The following ESR1 variants were observed in gnomAD, a reference collection of about 807,000 sequenced individuals.
The protein encoded by ESR1 is estrogen receptor.
ESR1 carries 12 observed loss-of-function variants against 52.7 expected under a neutral mutation model. That is an observed-to-expected ratio of 0.23 (90% CI 0.15 to 0.37). The LOEUF (loss-of-function observed/expected upper bound fraction) is 0.37, where lower values mean the gene tolerates loss of function less well. Ranked by LOEUF, ESR1 falls within the 10% of genes least tolerant of loss-of-function variation. The pLI is 1.00. For missense variants in ESR1, 584 were observed against 779.7 expected (o/e 0.75, Z 2.99); for synonymous variants, 305 against 316.8 (o/e 0.96, Z 0.39).
At chr6:151,975,012 A>G (rs2128648492) in intron 4 of ESR1, among the ~76,000 whole-genome samples, 1 of 152,288 alleles carries the variant, frequency 6.6e-6, no homozygotes, top group Non-Finnish European at 1.5e-5. Flanking sequence ...GACTTTTCCT[A>G]GATTACTCAG....
chr6:151,913,300 T>C (rs892464521), intron 3 of ESR1, among the ~76,000 whole-genome samples: 19 of 152,156 alleles, frequency 1.2e-4, no homozygotes, highest in African/African-American at 4.1e-4. Context: ...GACACTTGTA[T>C]TGGGTTCCTC....
chr6:152,030,076 C>T (rs990625897), intron 5 of ESR1, among the ~76,000 whole-genome samples: 1 of 152,172 alleles, frequency 6.6e-6, no homozygotes, highest in African/African-American at 2.4e-5. Context: ...AAATACTTTA[C>T]AGACAAGCAA....
intron 3 of ESR1, among the ~76,000 whole-genome samples, chr6:151,938,777 C>T (rs1366428616): frequency 6.6e-6 from 1 of 152,082 alleles, no homozygotes; most frequent in African/African-American, 2.4e-5. Context: ...TTATACTGAG[C>T]CTTTCTAAAT....
chr6:152,086,821 G>C (rs1166491698), intron 6 of ESR1, among the ~76,000 whole-genome samples: 1 of 152,010 alleles, frequency 6.6e-6, no homozygotes, highest in South Asian at 2.1e-4. Flanking sequence ...GGACTTTGAT[G>C]AGTGTATGGT....
At chr6:151,977,579 G>C (rs1347814098) in intron 4 of ESR1, among the ~76,000 whole-genome samples, 1 of 152,014 alleles carries the variant, frequency 6.6e-6, no homozygotes, top group Non-Finnish European at 1.5e-5. Context: ...TGGATCGCTT[G>C]AGGTCAGGAG....
rs576287969 is a variant in ESR1 at position 151,895,159 on chromosome 6, T to C, written c.760+14388T>C. 1.3e-4 allele frequency among the ~76,000 whole-genome samples: 19 copies of C among 149,498 alleles called. No homozygotes were observed. The South Asian group carries it at 4.0e-3, about 31-fold the overall frequency. ...TTTTTTTTTTTTTTTGCAACTATTGTGAAAAGGAGTGAGTTCTTGATTTGA... is the reference window on the plus strand; with the variant it reads ...TTTTTTTTTTTTTTTGCAACTATTGCGAAAAGGAGTGAGTTCTTGATTTGA... On this transcript the variant is annotated intron_variant, in intron 3 of 7. Transcript: ENST00000206249.
intron 5 of ESR1, among the ~76,000 whole-genome samples, chr6:152,031,009 G>A (rs2044649364): frequency 6.6e-6 from 1 of 152,130 alleles, no homozygotes; most frequent in Admixed American, 6.5e-5. Flanking sequence ...CAACTACATG[G>A]AAACTGAACA....
At chr6:151,912,993 G>A (rs1007370242) in intron 3 of ESR1, among the ~76,000 whole-genome samples, 40 of 151,786 alleles carry the variant, frequency 2.6e-4, no homozygotes, top group Non-Finnish European at 1.2e-4. Context: ...CCTAGATGAC[G>A]GGTTGATAGG....
At chr6:151,957,529 G>GTTTTC (rs1447545821) in intron 4 of ESR1, among the ~76,000 whole-genome samples, 10 of 151,684 alleles carry the variant, frequency 6.6e-5, no homozygotes, top group African/African-American at 2.4e-4. Context: ...AAATTTGATT[G>GTTTTC]TTTTGTTTTT....
At chr6:152,085,597 G>T (rs1476563889) in intron 6 of ESR1, among the ~76,000 whole-genome samples, 1 of 152,110 alleles carries the variant, frequency 6.6e-6, no homozygotes, top group Non-Finnish European at 1.5e-5. Context: ...TGTTGGCTGG[G>T]ACGTCAGCTG....
At chr6:151,666,652 T>C (rs1453599902) in intron 1 of ESR1, among the ~76,000 whole-genome samples, 3 of 151,632 alleles carry the variant, frequency 2.0e-5, no homozygotes, top group African/African-American at 7.3e-5. Context: ...AGACCTCTAC[T>C]TGGCTGGGTT....
At chr6:151,674,476 G>A (rs1778185790) in intron 1 of ESR1, among the ~76,000 whole-genome samples, 1 of 152,136 alleles carries the variant, frequency 6.6e-6, no homozygotes, top group Non-Finnish European at 1.5e-5. Flanking sequence ...GTTGTAAATA[G>A]TGCTGCAATA....
chr6:152,078,121 C>A (rs1348814051), intron 6 of ESR1, among the ~76,000 whole-genome samples: 1 of 152,128 alleles, frequency 6.6e-6, no homozygotes, highest in Non-Finnish European at 1.5e-5. Flanking sequence ...TGGTGGGAAA[C>A]AATTTGAATC....
intron 6 of ESR1, among the ~76,000 whole-genome samples, chr6:152,083,153 C>A (rs2129012596): frequency 6.6e-6 from 1 of 152,290 alleles, no homozygotes; most frequent in East Asian, 1.9e-4. Flanking sequence ...GCCTGCATAG[C>A]CAAGACAATC....
chr6:151,997,528 A>T lies in ESR1; in HGVS notation c.1097-14128A>T, dbSNP rs548932312. ...AATATTATAGCTGTAGGTACTTCAAATGGACAAGTATAACACATTATGACT... is the reference window on the plus strand; with the variant it reads ...AATATTATAGCTGTAGGTACTTCAATTGGACAAGTATAACACATTATGACT... On this transcript the variant is annotated intron_variant, in intron 4 of 7. Transcript: ENST00000206249. Among the ~76,000 whole-genome samples, 14 of 152,278 alleles carry T rather than the reference A, an allele frequency of 9.2e-5. No individual in the cohort carries two copies. The South Asian group carries it at 2.9e-3, about 32-fold the overall frequency.
At chr6:151,712,824 T>C (rs1780726972) in intron 2 of ESR1, among the ~76,000 whole-genome samples, 1 of 152,330 alleles carries the variant, frequency 6.6e-6, no homozygotes, top group Non-Finnish European at 1.5e-5. Context: ...TTGAATACCC[T>C]CAATTTCTTT....
At position 152,099,150 on chromosome 6, in the gene ESR1, T is replaced by C. The variant is rs1011718465; in HGVS notation, c.*184T>C. 3 of 636,932 alleles carry C rather than the reference T, an allele frequency of 4.7e-6. No individual in the cohort carries two copies. The East Asian group carries it at 8.3e-5, about 18-fold the overall frequency. The allele number at this position is 636,932 out of a possible 1,614,324, so 39.5% of individuals were successfully genotyped here. A position where few individuals can be genotyped will look rare whatever the true frequency, so the allele number is the denominator to read the frequency against. The stretch of plus-strand genomic sequence containing the variant: ...TAGTGGCACATCTTCTGTCTTCTGT[T>C]GGGAACAGCCAAAGGGATTCCAAGG... On this transcript the variant is annotated 3_prime_UTR_variant, in exon 8 of 8. Coordinates refer to ENST00000206249, the MANE Select transcript of ESR1 (RefSeq NM_000125.4).
In ESR1 at chr6:152,031,328, C is replaced by CA. The variant is rs1171174619; in HGVS notation, c.1235+19540dup. On this transcript the variant is annotated intron_variant, in intron 5 of 7. Transcript: ENST00000206249. ...GGAGATAGAGACACAAAAAACCCTT[C>CA]AAAAAATCAATGAATCTAGGAGCTG... is the stretch of plus-strand genomic sequence containing the variant. Among the ~76,000 whole-genome samples the CA allele has an allele frequency of 9.2e-5, 14 of 152,000 alleles. 1 individual carries two copies. In the South Asian group the frequency reaches 2.7e-3, roughly 29 times the overall value.
intron 3 of ESR1, among the ~76,000 whole-genome samples, chr6:151,913,861 A>G (rs2128443950): frequency 6.6e-6 from 1 of 152,316 alleles, no homozygotes; most frequent in East Asian, 1.9e-4. Context: ...TTAGTTAAAA[A>G]ATGATTCCTT....
Sources: allele counts gnomAD v4.1 joint callset (sites outside exome capture counted in the v4.1 genomes callset), GRCh38; gene constraint gnomAD v4.1.1; transcripts MANE v1.5; gene names NCBI Gene and HGNC (gene_info 2026-07-23, HGNC 2026-07-21).